The following STARD13 variants were observed in gnomAD, a reference collection of about 807,000 sequenced individuals.
STARD13 encodes StAR related lipid transfer domain containing 13.
In STARD13, 62 loss-of-function variants were observed where a neutral mutation model predicts 106.4. That is an observed-to-expected ratio of 0.58 (90% CI 0.48 to 0.72). The LOEUF (loss-of-function observed/expected upper bound fraction) is 0.72. Among genes scored for constraint, STARD13 ranks in the 30% least tolerant of loss-of-function variants. The pLI is 0.00. For missense variants in STARD13, 1,387 were observed against 1,424.0 expected, an observed-to-expected ratio of 0.97 and a Z score of 0.42; for synonymous variants, 565 against 553.0, an observed-to-expected ratio of 1.02 and a Z score of -0.31.
the STARD13 span, among the ~76,000 whole-genome samples, chr13:33,468,135 C>T: frequency 1.8e-4 from 27 of 152,266 alleles, no homozygotes; most frequent in African/African-American, 6.5e-4. Flanking sequence ...TTCCAAATGC[C>T]CAGAAGCCTC....
At chr13:33,645,985 G>T in the STARD13 span, among the ~76,000 whole-genome samples, 6 of 141,952 alleles carry the variant, frequency 4.2e-5, no homozygotes, top group Non-Finnish European at 7.4e-5. Flanking sequence ...AAACACATCT[G>T]AGTAATAAGG....
At chr13:33,473,971 G>C in the STARD13 span, among the ~76,000 whole-genome samples, 2 of 152,206 alleles carry the variant, frequency 1.3e-5, no homozygotes, top group Non-Finnish European at 2.9e-5. Context: ...GACACTCTTG[G>C]GACTTTGTTG....
the STARD13 span, among the ~76,000 whole-genome samples, chr13:33,363,326 C>G: frequency 6.6e-6 from 1 of 152,196 alleles, no homozygotes; most frequent in Non-Finnish European, 1.5e-5. Flanking sequence ...TTATTCCATG[C>G]CTATCTGGCA....
intron 1 of STARD13, among the ~76,000 whole-genome samples, chr13:33,282,021 G>GA (rs1397417487): frequency 6.6e-6 from 1 of 151,980 alleles, no homozygotes; most frequent in Non-Finnish European, 1.5e-5. Flanking sequence ...AAAAAAATTA[G>GA]AAAAAAATCC....
At chr13:33,224,482 C>G (rs1211456199) in intron 1 of STARD13, among the ~76,000 whole-genome samples, 2 of 152,148 alleles carry the variant, frequency 1.3e-5, no homozygotes, top group Admixed American at 1.3e-4. Context: ...CCATATTACT[C>G]CCTCAAGGAC....
intron 1 of STARD13, among the ~76,000 whole-genome samples, chr13:33,310,682 C>T (rs545913872): frequency 6.6e-6 from 1 of 152,222 alleles, no homozygotes; most frequent in Admixed American, 6.5e-5. Flanking sequence ...AATCTTTTCA[C>T]CTTCTACTCA....
intron 1 of STARD13, among the ~76,000 whole-genome samples, chr13:33,267,437 G>C (rs778128287): frequency 1.3e-5 from 2 of 152,080 alleles, no homozygotes; most frequent in African/African-American, 2.4e-5. Context: ...ACCTTCCATT[G>C]TGCCTCCACT....
the STARD13 span, among the ~76,000 whole-genome samples, chr13:33,544,544 TCA>T: frequency 3.9e-5 from 6 of 152,340 alleles, no homozygotes; most frequent in African/African-American, 1.4e-4. Flanking sequence ...TTTTCTGGTC[TCA>T]GTTTTATTTA....
the STARD13 span, among the ~76,000 whole-genome samples, chr13:33,671,343 G>T: frequency 6.6e-6 from 1 of 152,248 alleles, no homozygotes; most frequent in Admixed American, 6.5e-5. Context: ...ATGCACTAAT[G>T]TGCAATCATT....
chr13:33,639,602 A>G, the STARD13 span, among the ~76,000 whole-genome samples: 1 of 152,246 alleles, frequency 6.6e-6, no homozygotes, highest in Non-Finnish European at 1.5e-5. Context: ...CTCCTTACAT[A>G]TTTGAAGTTT....
chr13:33,373,341 A>G, the STARD13 span, among the ~76,000 whole-genome samples: 1 of 152,204 alleles, frequency 6.6e-6, no homozygotes, highest in Non-Finnish European at 1.5e-5. Flanking sequence ...GTTAATTTAC[A>G]TTTAGTCAGG....
At chr13:33,251,046 G>A (rs142008289) in intron 1 of STARD13, among the ~76,000 whole-genome samples, 168 of 152,332 alleles carry the variant, frequency 1.1e-3, no homozygotes, top group Admixed American at 5.9e-3. Context: ...GAAGAAGAGA[G>A]AACAAGATAA....
At chr13:33,666,250 TATC>T in the STARD13 span, among the ~76,000 whole-genome samples, 1 of 152,246 alleles carries the variant, frequency 6.6e-6, no homozygotes, top group Non-Finnish European at 1.5e-5. Flanking sequence ...GATTAGAACT[TATC>T]ATATAAAATT....
chr13:33,112,850 G>A lies in STARD13; in HGVS notation c.2363C>T (p.Thr788Met), dbSNP rs758687884. Residue 788 changes from threonine (T) to methionine (M), a missense_variant, in exon 9 of 14, where the codon ACG becomes ATG. Coordinates refer to ENST00000336934, the MANE Select transcript of STARD13 (RefSeq NM_178006.4). Reference sequence around the variant, plus strand: ...GACGTCGTTCAGGAAACACAAGAGCGTCTGCAGGACCTCCCTGTTCTCATC... The same window carrying A: ...GACGTCGTTCAGGAAACACAAGAGCATCTGCAGGACCTCCCTGTTCTCATC... The part of the protein sequence containing the change: ...LADENREVLQ[T>M]LLCFLNDVVN... 51 of 1,613,872 alleles carry A rather than the reference G, an allele frequency of 3.2e-5. No homozygotes were observed. Among genetic ancestry groups the A allele is most frequent in the Middle Eastern group, 1.6e-4 (1 of 6,082 alleles).
At chr13:33,213,005 T>G (rs949209634) in intron 1 of STARD13, among the ~76,000 whole-genome samples, 1 of 152,216 alleles carries the variant, frequency 6.6e-6, no homozygotes, top group Non-Finnish European at 1.5e-5. Flanking sequence ...ATCAAGGCAA[T>G]GTACTTGCTA....
intron 1 of STARD13, among the ~76,000 whole-genome samples, chr13:33,299,655 C>T (rs1892636549): frequency 6.6e-6 from 1 of 152,098 alleles, no homozygotes; most frequent in African/African-American, 2.4e-5. Context: ...TGTTGAATTC[C>T]GTACAGAGAC....
intron 1 of STARD13, among the ~76,000 whole-genome samples, chr13:33,310,332 C>G (rs1030200525): frequency 6.6e-6 from 1 of 152,126 alleles, no homozygotes; most frequent in African/African-American, 2.4e-5. Context: ...AAAATATTTT[C>G]ATAGGATTAT....
At chr13:33,364,825 C>G in the STARD13 span, among the ~76,000 whole-genome samples, 1 of 152,038 alleles carries the variant, frequency 6.6e-6, no homozygotes, top group Non-Finnish European at 1.5e-5. Flanking sequence ...GGAGGCGGAG[C>G]TTGCAGTGAG....
rs143851656 is a variant in STARD13 at position 33,179,506 on chromosome 13, G to T, written c.170-11884C>A. 5.9e-5 allele frequency among the ~76,000 whole-genome samples: 9 copies of T among 152,336 alleles called. No homozygotes were observed. The East Asian group carries it at 1.5e-3, about 26-fold the overall frequency. ...TAGAAGATAGTGGTTCTGATGGATG[G>T]TCTCTGCTTCTCTTCTCTCAGCTCT... is the stretch of plus-strand genomic sequence containing the variant. On this transcript the variant is annotated intron_variant, in intron 1 of 13. Coordinates refer to ENST00000336934, the MANE Select transcript of STARD13 (RefSeq NM_178006.4).
Sources: gnomAD v4.1 joint callset for allele counts (sites outside exome capture counted in the v4.1 genomes callset) on GRCh38, gnomAD v4.1.1 for gene constraint, MANE v1.5 for transcripts, NCBI Gene and HGNC (gene_info 2026-07-23, HGNC 2026-07-21) for gene names.